The following GCNT2 variants were observed in gnomAD, a reference collection of about 807,000 sequenced individuals.
GCNT2 encodes N-acetyllactosaminide beta-1,6-N-acetylglucosaminyl-transferase.
A neutral mutation model predicts 34.2 loss-of-function variants in GCNT2; 34 were observed. That is an observed-to-expected ratio of 1.00 (90% CI 0.76 to 1.32). GCNT2 has a LOEUF of 1.32. GCNT2 is among the 40% of genes most tolerant of loss of function. The pLI is 0.00. For missense variants in GCNT2, 584 were observed against 489.4 expected (o/e 1.19, Z -1.82); for synonymous variants, 212 against 188.0 (o/e 1.13, Z -1.04).
In GCNT2 at chr6:10,523,485, T is replaced by TC. The variant is rs1305072322; in HGVS notation, c.-469+2071dup. ...TCTTATAGTTTCCTATTACTTTTTT[T>TC]CCCAGCTATTTTTTGTTAAACGATC... On this transcript the variant is annotated intron_variant, in intron 1 of 4. Coordinates refer to ENST00000495262, the MANE Select transcript of GCNT2 (RefSeq NM_145649.5). 2.0e-5 allele frequency among the ~76,000 whole-genome samples: 3 copies of TC among 151,952 alleles called. No homozygotes were observed. In the East Asian group the frequency reaches 5.8e-4, roughly 29 times the overall value.
chr6:10,574,099 T>C (rs613366), intron 3 of GCNT2, among the ~76,000 whole-genome samples: 3,309 of 152,306 alleles, frequency 0.022, 104 homozygotes, highest in African/African-American at 0.073. Flanking sequence ...TTAAGAACCC[T>C]ATGGGGTCAG....
rs548478289 is a variant in GCNT2, at chr6:10,573,769, C to A, written c.925+43933C>A. Reference sequence around the variant, plus strand: ...CCAGCAGGCCAGCTCACTGGAGTAACCAAGTCAGATGCAGTGTCAAAGCCC... The same window carrying A: ...CCAGCAGGCCAGCTCACTGGAGTAAACAAGTCAGATGCAGTGTCAAAGCCC... On this transcript the variant is annotated intron_variant, in intron 3 of 4. Transcript: ENST00000495262. Among the ~76,000 whole-genome samples the A allele has an allele frequency of 2.6e-5, 4 of 152,306 alleles. No individual in the cohort carries two copies. The East Asian group carries it at 7.7e-4, about 29-fold the overall frequency.
intron 4 of GCNT2, among the ~76,000 whole-genome samples, chr6:10,622,131 T>G (rs1349799201): frequency 2.0e-5 from 3 of 152,162 alleles, no homozygotes; most frequent in African/African-American, 7.2e-5. Flanking sequence ...AGGGTTCCCC[T>G]CCAAATGGAA....
intron 3 of GCNT2, among the ~76,000 whole-genome samples, chr6:10,541,774 T>C (rs1762044071): frequency 6.6e-6 from 1 of 152,176 alleles, no homozygotes; most frequent in Non-Finnish European, 1.5e-5. Flanking sequence ...GTTTTCCCCC[T>C]AGGCTTTTCT....
chr6:10,572,000 A>G (rs1009410858), intron 3 of GCNT2, among the ~76,000 whole-genome samples: 1 of 149,362 alleles, frequency 6.7e-6, no homozygotes, highest in African/African-American at 2.6e-5. Context: ...GTAATTGTCT[A>G]TCTGGGAGTG....
At chr6:10,560,801 G>T (rs974698367) in intron 3 of GCNT2, among the ~76,000 whole-genome samples, 2 of 151,866 alleles carry the variant, frequency 1.3e-5, no homozygotes, top group Admixed American at 1.3e-4. Context: ...CAACCACTAG[G>T]CTCTCTCTAC....
At chr6:10,569,859 C>CTT (rs1561807364) in intron 3 of GCNT2, among the ~76,000 whole-genome samples, 1,586 of 149,228 alleles carry the variant, frequency 0.011, 23 homozygotes, top group African/African-American at 0.033. Context: ...CTCTTTCTTT[C>CTT]TCTTTCTTTC....
At chr6:10,587,275 T>A (rs1158173585) in intron 3 of GCNT2, among the ~76,000 whole-genome samples, 2 of 152,254 alleles carry the variant, frequency 1.3e-5, no homozygotes, top group Non-Finnish European at 2.9e-5. Context: ...AGGTGATGTT[T>A]CTTTCGGACG....
chr6:10,576,421 G>C (rs1026698547), intron 3 of GCNT2, among the ~76,000 whole-genome samples: 5 of 152,118 alleles, frequency 3.3e-5, no homozygotes, highest in African/African-American at 9.7e-5. Flanking sequence ...AGAATCACAT[G>C]GCAAACATAT....
chr6:10,559,675 G>A (rs761903191), intron 3 of GCNT2, among the ~76,000 whole-genome samples: 6 of 152,374 alleles, frequency 3.9e-5, no homozygotes, highest in Middle Eastern at 3.4e-3. Flanking sequence ...CATTTCCCTT[G>A]CAGGAATTAG....
rs1399593492 is a variant in GCNT2, at chr6:10,628,069, G to A, written c.*1462G>A. 6.6e-6 allele frequency: 1 copy of A among 152,568 alleles called. No individual in the cohort carries two copies. The highest frequency in any genetic ancestry group is 1.5e-5 in the Non-Finnish European group (1 of 68,024). The allele number at this position is 152,568 out of a possible 1,614,324, so 9.5% of individuals were successfully genotyped here. A position where few individuals can be genotyped will look rare whatever the true frequency, so the allele number is the denominator to read the frequency against. Reference sequence around the variant, plus strand: ...AACAATTTCTCTGGGTGAGAATTGGGACTCTGTTGCTGGTCTTCTCAGTTC... The same window carrying A: ...AACAATTTCTCTGGGTGAGAATTGGAACTCTGTTGCTGGTCTTCTCAGTTC... On this transcript the variant is annotated 3_prime_UTR_variant, in exon 5 of 5. Transcript: ENST00000495262.
rs766194299 is a variant in GCNT2, at chr6:10,529,826, C to T, written c.915C>T (p.Asn305=). The T allele has an allele frequency of 1.2e-6, 2 of 1,612,690 alleles. No individual in the cohort carries two copies. The highest frequency in any genetic ancestry group is 2.7e-5 in the African/African-American group (2 of 75,034). ...ACGAACATTTCTGGGTGACACTCAA[C>T]AGGATTCCCGGTATGTACGTCTCTT... The part of the protein sequence containing the change: ...SPDEHFWVTL[N]RIPGVPGSMP... The change falls in exon 3 of 5, where the codon AAC becomes AAT. Residue 305 remains asparagine (N), a synonymous_variant. Coordinates refer to ENST00000495262, the MANE Select transcript of GCNT2 (RefSeq NM_145649.5).
At chr6:10,610,286 A>G (rs771226671) in intron 3 of GCNT2, among the ~76,000 whole-genome samples, 5 of 152,228 alleles carry the variant, frequency 3.3e-5, no homozygotes, top group Non-Finnish European at 7.3e-5. Flanking sequence ...CGTGAAGGTG[A>G]AAGATTTTGA....
intron 3 of GCNT2, among the ~76,000 whole-genome samples, chr6:10,593,525 A>T (rs35742522): frequency 0.11 from 16,743 of 152,034 alleles, 1,112 homozygotes; most frequent in Middle Eastern, 0.17. Context: ...TTGTGTAGAG[A>T]TGGGATCTCG....
chr6:10,543,440 C>T (rs1762126127), intron 3 of GCNT2, among the ~76,000 whole-genome samples: 1 of 152,164 alleles, frequency 6.6e-6, no homozygotes, highest in South Asian at 2.1e-4. Flanking sequence ...ATCCACCTGC[C>T]TCGGCCTCCC....
chr6:10,561,891 T>C (rs921836774), intron 3 of GCNT2, among the ~76,000 whole-genome samples: 3 of 152,226 alleles, frequency 2.0e-5, no homozygotes, highest in Non-Finnish European at 4.4e-5. Context: ...ATTTCCTCAT[T>C]TTTTAATTCT....
chr6:10,598,288 G>A (rs1475407253), intron 3 of GCNT2, among the ~76,000 whole-genome samples: 4 of 152,212 alleles, frequency 2.6e-5, no homozygotes, highest in East Asian at 1.9e-4. Flanking sequence ...CCAATTTCAT[G>A]AGATTGTTGT....
intron 3 of GCNT2, among the ~76,000 whole-genome samples, chr6:10,534,879 T>C (rs1248083781): frequency 6.6e-6 from 1 of 151,734 alleles, no homozygotes; most frequent in Non-Finnish European, 1.5e-5. Flanking sequence ...GATAAATAAA[T>C]AAGCAAGCAA....
At chr6:10,522,995 G>T (rs1760991989) in intron 1 of GCNT2, among the ~76,000 whole-genome samples, 6 of 152,250 alleles carry the variant, frequency 3.9e-5, no homozygotes, top group Admixed American at 2.6e-4. Context: ...GCCTGGAGTT[G>T]TCAGATATCT....
Sources: allele counts gnomAD v4.1 joint callset (sites outside exome capture counted in the v4.1 genomes callset), GRCh38; gene constraint gnomAD v4.1.1; transcripts MANE v1.5; gene names NCBI Gene and HGNC (gene_info 2026-07-23, HGNC 2026-07-21).